ARHGAP6: variants seen among roughly 807,000 people sequenced by gnomAD.
The protein encoded by ARHGAP6 is Rho GTPase activating protein 6, also known as rho GTPase-activating protein 6.
A neutral mutation model predicts 55.7 loss-of-function variants in ARHGAP6; 16 were observed. That is an observed-to-expected ratio of 0.29 (90% CI 0.19 to 0.44). The LOEUF (loss-of-function observed/expected upper bound fraction) is 0.44. Ranked by LOEUF, ARHGAP6 falls within the 20% of genes least tolerant of loss-of-function variation. The pLI is 1.00. For missense variants in ARHGAP6, 698 were observed against 808.9 expected, an observed-to-expected ratio of 0.86 and a Z score of 1.66; for synonymous variants, 382 against 360.9, an observed-to-expected ratio of 1.06 and a Z score of -0.66.
intron 2 of ARHGAP6, among the ~76,000 whole-genome samples, chrX:11,250,553 T>C (rs1187421764): frequency 8.9e-6 from 1 of 111,826 alleles, no homozygotes; most frequent in African/African-American, 3.2e-5. Context: ...TGGAGGCCCC[T>C]TGGGAAGAAT....
intron 1 of ARHGAP6, among the ~76,000 whole-genome samples, chrX:11,626,475 A>G (rs1489560847): frequency 1.8e-5 from 2 of 112,072 alleles, no homozygotes; most frequent in African/African-American, 6.5e-5. Context: ...AAATTAAAAT[A>G]TGAGAACTAC....
intron 3 of ARHGAP6, 145 bp downstream of exon 3, chrX:11,196,780 A>G (rs2046547289): frequency 2.1e-6 from 1 of 469,773 alleles, no homozygotes; most frequent in Non-Finnish European, 3.7e-6. Context: ...GTAGACCAAA[A>G]CAGCCCTTAA....
At chrX:11,660,130 C>A (rs2052679514) in intron 1 of ARHGAP6, among the ~76,000 whole-genome samples, 1 of 111,854 alleles carries the variant, frequency 8.9e-6, no homozygotes, top group Non-Finnish European at 1.9e-5. Flanking sequence ...AAGATACATC[C>A]TCTTCTCCAG....
At chrX:11,409,368 T>G (rs1603186773) in intron 1 of ARHGAP6, among the ~76,000 whole-genome samples, 2 of 111,926 alleles carry the variant, frequency 1.8e-5, no homozygotes, top group African/African-American at 6.5e-5. Flanking sequence ...GATATCTATG[T>G]CAAGTGTTCA....
intron 1 of ARHGAP6, among the ~76,000 whole-genome samples, chrX:11,370,740 A>G (rs1318021452): frequency 8.9e-6 from 1 of 111,743 alleles, no homozygotes; most frequent in Non-Finnish European, 1.9e-5. Context: ...TGGCATGAAG[A>G]ACATAATAAA....
intron 1 of ARHGAP6, among the ~76,000 whole-genome samples, chrX:11,637,168 C>G (rs1005121493): frequency 1.8e-5 from 2 of 111,233 alleles, no homozygotes; most frequent in African/African-American, 6.5e-5. Flanking sequence ...AGGCCATTTA[C>G]AGTTGCAAGA....
chrX:11,206,952 G>C (rs1395587442), intron 2 of ARHGAP6, among the ~76,000 whole-genome samples: 1 of 111,731 alleles, frequency 9.0e-6, no homozygotes, highest in Non-Finnish European at 1.9e-5. Context: ...TAAACAGAAT[G>C]ACATTTAATT....
intron 1 of ARHGAP6, among the ~76,000 whole-genome samples, chrX:11,497,700 CTA>C (rs2050638025): frequency 9.1e-6 from 1 of 110,068 alleles, no homozygotes; most frequent in Non-Finnish European, 1.9e-5. Context: ...GTCTCCAGAA[CTA>C]TGAGAAATAA....
chrX:11,451,907 G>A (rs962397587), intron 1 of ARHGAP6, among the ~76,000 whole-genome samples: 1 of 112,264 alleles, frequency 8.9e-6, no homozygotes, highest in Non-Finnish European at 1.9e-5. Context: ...AAAATCAACA[G>A]ATAACAAAAG....
intron 2 of ARHGAP6, among the ~76,000 whole-genome samples, chrX:11,213,123 C>T (rs1289864361): frequency 8.9e-6 from 1 of 112,748 alleles, no homozygotes; most frequent in Admixed American, 9.3e-5. Context: ...GGAATCCTGT[C>T]CTGAGGAATG....
At chrX:11,538,758 A>G (rs1318248278) in intron 1 of ARHGAP6, among the ~76,000 whole-genome samples, 4 of 111,352 alleles carry the variant, frequency 3.6e-5, no homozygotes, top group African/African-American at 1.3e-4. Context: ...TTAGATTAAT[A>G]AAGATCAAGA....
intron 1 of ARHGAP6, among the ~76,000 whole-genome samples, chrX:11,352,727 G>A (rs1243561967): frequency 9.0e-6 from 1 of 111,339 alleles, no homozygotes; most frequent in Non-Finnish European, 1.9e-5. Flanking sequence ...CATCCCCAAG[G>A]ATAAAATATT....
At chrX:11,663,801 A>T (rs1247987874) in intron 1 of ARHGAP6, among the ~76,000 whole-genome samples, 1 of 112,399 alleles carries the variant, frequency 8.9e-6, no homozygotes, top group Non-Finnish European at 1.9e-5. Flanking sequence ...ACAGTCAATG[A>T]CACCCTCCAA....
intron 1 of ARHGAP6, among the ~76,000 whole-genome samples, chrX:11,630,968 G>A (rs1290736203): frequency 3.6e-5 from 4 of 110,814 alleles, no homozygotes. Context: ...AACAATGAAA[G>A]CGGCCGCTTG....
chrX:11,376,932 G>T (rs2049207945), intron 1 of ARHGAP6, among the ~76,000 whole-genome samples: 1 of 111,517 alleles, frequency 9.0e-6, no homozygotes, highest in African/African-American at 3.3e-5. Context: ...AGCTCTCCAA[G>T]ACCTCAGTTT....
At chrX:11,617,450 C>A in intron 1 of ARHGAP6, among the ~76,000 whole-genome samples, 1 of 111,775 alleles carries the variant, frequency 8.9e-6, no homozygotes, top group Non-Finnish European at 1.9e-5. Flanking sequence ...CAATTTCATA[C>A]GCATTTGTGA....
At chrX:11,141,012 G>A (rs2045612798) in intron 12 of ARHGAP6, among the ~76,000 whole-genome samples, 1 of 111,613 alleles carries the variant, frequency 9.0e-6, no homozygotes, top group African/African-American at 3.3e-5. Context: ...AACTGGAAAA[G>A]GAAAATGGAG....
chrX:11,569,960 T>G (rs2051493399), intron 1 of ARHGAP6, among the ~76,000 whole-genome samples: 1 of 112,003 alleles, frequency 8.9e-6, no homozygotes, highest in Admixed American at 9.5e-5. Context: ...CTGAGTAGAA[T>G]GCAGAGCAAA....
At chrX:11,533,078 TGACA>T (rs1349758467) in intron 1 of ARHGAP6, among the ~76,000 whole-genome samples, 1 of 111,530 alleles carries the variant, frequency 9.0e-6, no homozygotes, top group African/African-American at 3.3e-5. Context: ...GAGGGCAGTG[TGACA>T]GACAGGTAAA....
Sources: allele counts gnomAD v4.1 joint callset (sites outside exome capture counted in the v4.1 genomes callset), GRCh38; gene constraint gnomAD v4.1.1; transcripts MANE v1.5; gene names NCBI Gene and HGNC (gene_info 2026-07-23, HGNC 2026-07-21).